PPM1F: variants seen among roughly 807,000 people sequenced by gnomAD.
The protein encoded by PPM1F is protein phosphatase 1F.
In PPM1F, 17 loss-of-function variants were observed where a neutral mutation model predicts 35.5. The observed-to-expected ratio is 0.48, with a 90% CI of 0.33 to 0.72. PPM1F has a LOEUF of 0.72. Ranked by LOEUF, PPM1F falls within the 30% of genes least tolerant of loss-of-function variation. PPM1F has a pLI of 0.02. For missense variants in PPM1F, 521 were observed against 613.0 expected, an observed-to-expected ratio of 0.85 and a Z score of 1.59; for synonymous variants, 241 against 255.5, an observed-to-expected ratio of 0.94 and a Z score of 0.54.
Position 21,925,615 on chromosome 22 carries a change from C to T in PPM1F, c.939G>A (p.Met313Ile). The T allele has an allele frequency of 6.2e-7, 1 of 1,608,434 alleles. No individual in the cohort carries two copies. Among genetic ancestry groups the T allele is most frequent in the Non-Finnish European group, 8.5e-7 (1 of 1,176,126 alleles). Residue 313 changes from methionine to isoleucine, a missense_variant, in exon 7 of 8, where the codon ATG becomes ATA. Met to Ile is a conservative substitution (Grantham distance 10). Coordinates refer to ENST00000263212, the MANE Select transcript of PPM1F (RefSeq NM_014634.4). ...IEALGGFVSH[M>I]DCWRVNGTLA... ...GGGTCCCGTTGACTCTCCAGCAGTC[C>T]ATGTGAGACACAAAGCCACCCAATG...
rs2070464024 is a variant in PPM1F, at chr22:21,922,946, G to A, written c.*146C>T. The stretch of plus-strand genomic sequence containing the variant: ...ACAGCCACCAGGACGGGCTGCGGGG[G>A]GTGTCCCGACTGGCTCTGGGGTGCT... On this transcript the variant is annotated 3_prime_UTR_variant, in exon 8 of 8. Transcript: ENST00000263212. 3 of 1,086,586 alleles carry A rather than the reference G, an allele frequency of 2.8e-6. No individual in the cohort carries two copies. Among genetic ancestry groups the A allele is most frequent in the Admixed American group, 2.3e-5 (1 of 43,012 alleles). 67.3% of individuals were successfully genotyped at this position (1,086,586 alleles called of 1,614,324 possible).
In PPM1F at chr22:21,920,342, G is replaced by A. The variant is rs2070433028; in HGVS notation, c.*2750C>T. On this transcript the variant is annotated 3_prime_UTR_variant, in exon 8 of 8. Transcript: ENST00000263212. Reference sequence around the variant, plus strand: ...TGCACTGCCTGCTCAGCTCACACAAGGAACAAGTGGAGAGCTGGGCTGGAG... The same window carrying A: ...TGCACTGCCTGCTCAGCTCACACAAAGAACAAGTGGAGAGCTGGGCTGGAG... 1 of 152,638 alleles carries A rather than the reference G, an allele frequency of 6.6e-6. No individual in the cohort carries two copies. The highest frequency in any genetic ancestry group is 2.4e-5 in the African/African-American group (1 of 41,440). The allele number at this position is 152,638 out of a possible 1,614,324, so 9.5% of individuals were successfully genotyped here.
intron 1 of PPM1F, chr22:21,947,954 A>C (rs2070793351): frequency 6.6e-6 from 1 of 152,206 alleles, no homozygotes; most frequent in African/African-American, 2.4e-5. Context: ...CAAGGGGTGA[A>C]GGGTGGTAAA....
intron 3 of PPM1F, chr22:21,935,397 C>T (rs1289398437): frequency 6.6e-6 from 1 of 152,138 alleles, no homozygotes; most frequent in African/African-American, 2.4e-5. Context: ...AGGAGGGATC[C>T]TGGTGATGGA....
Position 21,921,517 on chromosome 22 carries a change from T to A in PPM1F, c.*1575A>T, listed in dbSNP as rs1451102010. The A allele has an allele frequency of 1.3e-5, 2 of 152,300 alleles. No homozygotes were observed. Among genetic ancestry groups the A allele is most frequent in the East Asian group, 3.9e-4 (2 of 5,164 alleles). 9.4% of individuals were successfully genotyped at this position (152,300 alleles called of 1,614,324 possible). A position where few individuals can be genotyped will look rare whatever the true frequency, so the allele number is the denominator to read the frequency against. On this transcript the variant is annotated 3_prime_UTR_variant, in exon 8 of 8. Coordinates refer to ENST00000263212, the MANE Select transcript of PPM1F (RefSeq NM_014634.4). ...TCAACTTTGCACGCCCTCAGTGAGCTCCCTGAGGCACCCAGGATCGGTCAC... is the reference window on the plus strand; with the variant it reads ...TCAACTTTGCACGCCCTCAGTGAGCACCCTGAGGCACCCAGGATCGGTCAC...
chr22:21,924,187 A>G (rs1205635993), intron 7 of PPM1F, among the ~76,000 whole-genome samples: 1 of 151,956 alleles, frequency 6.6e-6, no homozygotes, highest in East Asian at 1.9e-4. Context: ...AAGTACCAGG[A>G]AGGAGGTGTG....
chr22:21,933,866 C>T (rs1012667947), intron 4 of PPM1F, among the ~76,000 whole-genome samples, 158 bp downstream of exon 4: 1 of 152,192 alleles, frequency 6.6e-6, no homozygotes, highest in African/African-American at 2.4e-5. Context: ...CAGACTCACA[C>T]TGTTGCCCTT....
Position 21,922,360 on chromosome 22 carries a change from A to T in PPM1F, c.*732T>A, listed in dbSNP as rs1016286154. On this transcript the variant is annotated 3_prime_UTR_variant, in exon 8 of 8. Coordinates refer to ENST00000263212, the MANE Select transcript of PPM1F (RefSeq NM_014634.4). Reference sequence around the variant, plus strand: ...CTTGGCACTGATAAAACAAAGAGAAAACCTGGAATACTGCTTCGGAATTAG... The same window carrying T: ...CTTGGCACTGATAAAACAAAGAGAATACCTGGAATACTGCTTCGGAATTAG... 2 of 152,562 alleles carry T rather than the reference A, an allele frequency of 1.3e-5. No homozygotes were observed. Among genetic ancestry groups the T allele is most frequent in the African/African-American group, 4.8e-5 (2 of 41,458 alleles). The allele number at this position is 152,562 out of a possible 1,614,324, so 9.5% of individuals were successfully genotyped here.
intron 3 of PPM1F, chr22:21,936,064 G>C (rs936697754): frequency 6.6e-6 from 1 of 152,210 alleles, no homozygotes; most frequent in African/African-American, 2.4e-5. Context: ...AGCTATTCGG[G>C]AGGCTGGGGC....
At chr22:21,934,327 A>G in intron 3 of PPM1F, 101 bp from the exon 4 acceptor site, 1 of 934,194 alleles carries the variant, frequency 1.1e-6, no homozygotes, top group Admixed American at 2.5e-5. Context: ...CAAAGCCCCC[A>G]TCACCTCCCG....
Position 21,928,118 on chromosome 22 carries a change from C to A in PPM1F, c.892-2456G>T, listed in dbSNP as rs560372424. Among the ~76,000 whole-genome samples, 6 of 152,072 alleles carry A rather than the reference C, an allele frequency of 3.9e-5. No individual in the cohort carries two copies. The East Asian group carries it at 1.2e-3, about 30-fold the overall frequency. ...ACCCCCTCAGCAGCTCTTCCCTCTG[C>A]TCCTCAAACCTCATCCTCTCCACCT... On this transcript the variant is annotated intron_variant, in intron 6 of 7. Coordinates refer to ENST00000263212, the MANE Select transcript of PPM1F (RefSeq NM_014634.4).
In PPM1F at chr22:21,939,136, G is replaced by C; in HGVS notation, c.355+396C>G. On this transcript the variant is annotated intron_variant, in intron 3 of 7. Transcript: ENST00000263212. This position sits in a 1 kb window ranked among gnomAD's most constrained non-coding sequence, Gnocchi z 5.1. ...TGGCCAACCCTGACTTCGCCTGCCC[G>C]GGCGCATGTTAACTGAGTTACAACA... The C allele has an allele frequency of 5.9e-6, 1 of 170,392 alleles. No homozygotes were observed. Among genetic ancestry groups the C allele is most frequent in the Non-Finnish European group, 1.3e-5 (1 of 78,532 alleles). 10.6% of individuals were successfully genotyped at this position (170,392 alleles called of 1,614,324 possible). A position where few individuals can be genotyped will look rare whatever the true frequency, so the allele number is the denominator to read the frequency against.
chr22:21,950,928 C>T (rs2070829675), intron 1 of PPM1F: 1 of 151,980 alleles, frequency 6.6e-6, no homozygotes, highest in Non-Finnish European at 1.5e-5. Context: ...CCTGGCCAAC[C>T]TTTTTCTACC....
intron 3 of PPM1F, chr22:21,936,605 C>T (rs913894900): frequency 1.3e-5 from 2 of 152,308 alleles, no homozygotes; most frequent in African/African-American, 4.8e-5. Flanking sequence ...CCCTGCGCCT[C>T]CCGCCTTGTG....
rs1198409259 is a variant in PPM1F at position 21,920,551 on chromosome 22, C to T, written c.*2541G>A. On this transcript the variant is annotated 3_prime_UTR_variant, in exon 8 of 8. Transcript: ENST00000263212. Reference sequence around the variant, plus strand: ...CTGTGCAGGGGTGGACGAGGGCTCCCTCGGCCCCAAGGCAAGGGCGGAGCA... The same window carrying T: ...CTGTGCAGGGGTGGACGAGGGCTCCTTCGGCCCCAAGGCAAGGGCGGAGCA... 6.6e-6 allele frequency: 1 copy of T among 152,422 alleles called. No homozygotes were observed. Among genetic ancestry groups the T allele is most frequent in the Non-Finnish European group, 1.5e-5 (1 of 68,204 alleles). The allele number at this position is 152,422 out of a possible 1,614,324, so 9.4% of individuals were successfully genotyped here. A position where few individuals can be genotyped will look rare whatever the true frequency, so the allele number is the denominator to read the frequency against.
At chr22:21,946,295 G>A (rs977733978) in intron 1 of PPM1F, 187 bp from the exon 2 acceptor site, 31 of 387,312 alleles carry the variant, frequency 8.0e-5, no homozygotes, top group African/African-American at 2.1e-4. Context: ...CCAGAGATCC[G>A]GTCTCAGGAG....
rs759966864 is a variant in PPM1F, at chr22:21,931,255, T to C, written c.784A>G (p.Ile262Val). 13 of 1,613,488 alleles carry C rather than the reference T, an allele frequency of 8.1e-6. No homozygotes were observed. Among genetic ancestry groups the C allele is most frequent in the South Asian group, 1.1e-5 (1 of 91,090 alleles). The change falls in exon 6 of 8, where the codon ATT (isoleucine) becomes GTT (valine). Residue 262 changes from isoleucine to valine, a missense_variant. Physicochemically the swap from Ile to Val is conservative, Grantham distance 29. This residue lies in a region of PPM1F where 311 missense variants were observed against 351.5 expected (regional missense o/e 0.88). Coordinates refer to ENST00000263212, the MANE Select transcript of PPM1F (RefSeq NM_014634.4). ...QSGTTGVCAL[I>V]AGATLHVAWL... Reference sequence around the variant, plus strand: ...GCGACGTGCAGGGTCGCTCCTGCAATGAGCGCACACACACCTGTGGTGCCG... The same window carrying C: ...GCGACGTGCAGGGTCGCTCCTGCAACGAGCGCACACACACCTGTGGTGCCG...
rs1436346267 is a variant in PPM1F at position 21,925,636 on chromosome 22, C to T, written c.918G>A (p.Leu306=). 6.3e-7 allele frequency: 1 copy of T among 1,598,484 alleles called. No individual in the cohort carries two copies. The highest frequency in any genetic ancestry group is 1.3e-5 in the African/African-American group (1 of 74,688). ...AGTCCATGTGAGACACAAAGCCACC[C>T]AATGCTTCAATGCGCGCCTTCTCAT... ...RQDEKARIEA[L]GGFVSHMDCW... Residue 306 remains leucine (L), a synonymous_variant, in exon 7 of 8, where the codon TTG becomes TTA. Coordinates refer to ENST00000263212, the MANE Select transcript of PPM1F (RefSeq NM_014634.4).
chr22:21,941,998 C>CT (rs2070730360), intron 2 of PPM1F: 1 of 152,276 alleles, frequency 6.6e-6, no homozygotes, highest in African/African-American at 2.4e-5. Flanking sequence ...CTCTAACATG[C>CT]ATTTTGACCC....
Sources: gnomAD v4.1 joint callset for allele counts (sites outside exome capture counted in the v4.1 genomes callset) on GRCh38, gnomAD v4.1.1 for gene constraint, gnomAD v4.1.1 regional missense constraint, Gnocchi (gnomAD v3.1) non-coding constraint, MANE v1.5 for transcripts, NCBI Gene and HGNC (gene_info 2026-07-23, HGNC 2026-07-21) for gene names.